The following AGBL1 variants were observed in gnomAD, a reference collection of about 807,000 sequenced individuals.
AGBL1 encodes the protein cytosolic carboxypeptidase 4.
In AGBL1, 130 loss-of-function variants were observed where a neutral mutation model predicts 118.9. The observed-to-expected ratio is 1.09, with a 90% CI of 0.95 to 1.26. The LOEUF is 1.26. Ranked by LOEUF, AGBL1 falls within the 50% of genes most tolerant of loss-of-function variation. AGBL1 has a pLI of 0.00. For missense variants in AGBL1, 1,584 were observed against 1,298.1 expected (o/e 1.22, Z -3.38); for synonymous variants, 555 against 478.9 (o/e 1.16, Z -2.08).
intron 18 of AGBL1, among the ~76,000 whole-genome samples, chr15:86,440,123 A>G (rs1041523669): frequency 6.6e-6 from 1 of 152,178 alleles, no homozygotes; most frequent in African/African-American, 2.4e-5. Context: ...CCATGTTTTT[A>G]TGAAATGGAA....
chr15:86,697,370 C>A (rs920410188), intron 22 of AGBL1, among the ~76,000 whole-genome samples: 2 of 151,758 alleles, frequency 1.3e-5, no homozygotes, highest in African/African-American at 4.8e-5. Context: ...CTTTCTTTTG[C>A]TTGTTCGATT....
chr15:86,725,020 C>T (rs574404390), intron 22 of AGBL1, among the ~76,000 whole-genome samples: 4 of 151,910 alleles, frequency 2.6e-5, no homozygotes, highest in South Asian at 2.1e-4. Flanking sequence ...CAAAAATGGC[C>T]GAATACAGTG....
chr15:86,596,720 C>T (rs1457277553), intron 21 of AGBL1, among the ~76,000 whole-genome samples: 1 of 152,162 alleles, frequency 6.6e-6, no homozygotes, highest in Non-Finnish European at 1.5e-5. Flanking sequence ...TTACCTTCAC[C>T]TTCAGAGTTT....
intron 23 of AGBL1, chr15:86,939,711 G>A (rs1271236392): frequency 6.6e-6 from 1 of 152,156 alleles, no homozygotes; most frequent in African/African-American, 2.4e-5. Flanking sequence ...ATGTGAGTTT[G>A]GGTAAGCATT....
At chr15:86,739,230 G>A (rs1363340704) in intron 22 of AGBL1, among the ~76,000 whole-genome samples, 2 of 151,684 alleles carry the variant, frequency 1.3e-5, no homozygotes, top group Admixed American at 6.6e-5. Flanking sequence ...GATCACCTGG[G>A]GTCAGGAGTT....
chr15:86,159,477 G>A (rs2077237123), intron 5 of AGBL1, among the ~76,000 whole-genome samples: 1 of 152,106 alleles, frequency 6.6e-6, no homozygotes. Flanking sequence ...GAGACAGCCA[G>A]TTAAACTTCT....
At chr15:86,797,235 A>C (rs2078585908) in intron 22 of AGBL1, among the ~76,000 whole-genome samples, 1 of 152,210 alleles carries the variant, frequency 6.6e-6, no homozygotes, top group Non-Finnish European at 1.5e-5. Flanking sequence ...CACATAATGA[A>C]GACCTCAGTT....
chr15:86,673,693 G>A (rs2085785754), intron 21 of AGBL1, among the ~76,000 whole-genome samples: 1 of 152,098 alleles, frequency 6.6e-6, no homozygotes, highest in South Asian at 2.1e-4. Context: ...ATTATTATCT[G>A]TTTCTTCATG....
At position 86,737,038 on chromosome 15, in the gene AGBL1, T is replaced by C. The variant is rs144544495; in HGVS notation, c.3158+62602T>C. Among the ~76,000 whole-genome samples the C allele has an allele frequency of 1.4e-4, 22 of 152,346 alleles. No homozygotes were observed. The East Asian group carries it at 4.0e-3, about 28-fold the overall frequency. ...AATATTTTCTGGCATTTATATGCCC[T>C]GTACTGTGCTGAATGCTATGTGTAG... On this transcript the variant is annotated intron_variant, in intron 22 of 22. Coordinates refer to ENST00000614907, the MANE Select transcript of AGBL1 (RefSeq NM_001386094.1).
chr15:86,895,101 C>CTTTCT (rs969428572), intron 22 of AGBL1, among the ~76,000 whole-genome samples: 2 of 151,782 alleles, frequency 1.3e-5, no homozygotes, highest in African/African-American at 2.4e-5. Flanking sequence ...CCCTCCTTCC[C>CTTTCT]TTTCTTTTTT....
chr15:86,907,430 C>A lies in AGBL1; in HGVS notation c.*136C>A. ...CCAGCCTGTGTGAGCTCAGCAACCC[C>A]ATTTCCAGATTTTGTTCTAGTTTCC... On this transcript the variant is annotated 3_prime_UTR_variant, in exon 23 of 23. Transcript: ENST00000614907. The A allele has an allele frequency of 6.6e-6, 1 of 152,350 alleles. No individual in the cohort carries two copies. Among genetic ancestry groups the A allele is most frequent in the Non-Finnish European group, 1.5e-5 (1 of 68,102 alleles). 9.4% of individuals were successfully genotyped at this position (152,350 alleles called of 1,614,324 possible). A position where few individuals can be genotyped will look rare whatever the true frequency, so the allele number is the denominator to read the frequency against.
At chr15:86,717,420 C>T (rs911328119) in intron 22 of AGBL1, among the ~76,000 whole-genome samples, 1 of 152,104 alleles carries the variant, frequency 6.6e-6, no homozygotes, top group African/African-American at 2.4e-5. Flanking sequence ...CAATAGGGTG[C>T]CCCATTATCC....
rs1596675339 is a variant in AGBL1 at position 86,958,422 on chromosome 15, CA to C, written c.3222-29564del. On this transcript the variant is annotated intron_variant, in intron 23 of 24. Transcript: ENST00000441037. ...ATTAATTAAAACCATTTGATTTTAG[CA>C]TAGGTATAGACAAGAAAAATAATTA... 5.3e-5 allele frequency among the ~76,000 whole-genome samples: 8 copies of C among 151,928 alleles called. No homozygotes were observed. The East Asian group carries it at 1.4e-3, about 26-fold the overall frequency.
rs150445980 is a variant in AGBL1 at position 87,005,651 on chromosome 15, C to G, written c.3323+17563C>G. 4.4e-3 allele frequency among the ~76,000 whole-genome samples: 664 copies of G among 152,302 alleles called. 8 individuals carry two copies. The highest frequency in any genetic ancestry group is 0.015 in the African/African-American group (639 of 41,558). On this transcript the variant is annotated intron_variant, in intron 24 of 24. Coordinates refer to the AGBL1 transcript ENST00000441037. ...TGGGTTCGAACTTCCTCCTCTAGCT[C>G]AGAGAAGTTTGATCATCTGAAGCCT...
chr15:86,784,353 C>A (rs8032358), intron 22 of AGBL1, among the ~76,000 whole-genome samples: 1 of 151,868 alleles, frequency 6.6e-6, no homozygotes, highest in Non-Finnish European at 1.5e-5. Context: ...AAACAGGAGA[C>A]GTGGTTATGC....
intron 18 of AGBL1, among the ~76,000 whole-genome samples, chr15:86,486,401 C>T (rs950515409): frequency 8.5e-5 from 13 of 152,208 alleles, no homozygotes; most frequent in Non-Finnish European, 1.3e-4. Flanking sequence ...CCTACTTAGG[C>T]AAAAGTAATG....
chr15:86,541,404 A>G (rs1373209558), intron 19 of AGBL1, among the ~76,000 whole-genome samples: 1 of 152,184 alleles, frequency 6.6e-6, no homozygotes, highest in Middle Eastern at 3.4e-3. Flanking sequence ...ATCCTGGGCA[A>G]CAGAGGGATA....
intron 18 of AGBL1, among the ~76,000 whole-genome samples, chr15:86,466,953 G>A (rs553052081): frequency 1.3e-5 from 2 of 152,332 alleles, no homozygotes; most frequent in East Asian, 3.9e-4. Context: ...TGGGGATCAG[G>A]GACCCACTTG....
At chr15:86,211,112 C>T (rs1185397214) in intron 5 of AGBL1, among the ~76,000 whole-genome samples, 1 of 152,216 alleles carries the variant, frequency 6.6e-6, no homozygotes, top group African/African-American at 2.4e-5. Context: ...TGGAGGTCCA[C>T]TCCAGACCCT....
Sources: gnomAD v4.1 joint callset for allele counts (sites outside exome capture counted in the v4.1 genomes callset) on GRCh38, gnomAD v4.1.1 for gene constraint, MANE v1.5 for transcripts, NCBI Gene and HGNC (gene_info 2026-07-23, HGNC 2026-07-21) for gene names.